DAB1: variants seen among roughly 807,000 people sequenced by gnomAD.
DAB1 encodes the protein disabled homolog 1.
DAB1 carries 15 observed loss-of-function variants against 64.6 expected under a neutral mutation model. The ratio of observed to expected loss-of-function variants is 0.23; its 90% CI spans 0.16 to 0.36. The LOEUF is 0.36. Ranked by LOEUF, DAB1 falls within the 10% of genes least tolerant of loss-of-function variation. The pLI, the probability that DAB1 is intolerant of heterozygous loss-of-function variation, is 1.00. For synonymous variants in DAB1, 235 were observed against 251.9 expected (o/e 0.93, Z 0.64); for missense variants, 596 against 706.7 (o/e 0.84, Z 1.78).
At position 57,855,667 on chromosome 1, in the gene DAB1, G is replaced by A. The variant is rs144466174; in HGVS notation, n.87+28332C>T. Among the ~76,000 whole-genome samples the A allele has an allele frequency of 1.1e-4, 17 of 152,280 alleles. No individual in the cohort carries two copies. The East Asian group carries it at 3.1e-3, about 28-fold the overall frequency. ...CATCTGAGGTGGCACATTTGAAGAC[G>A]AATAAGGGAATCAGTAGCTCAGAGT... On this transcript the variant is annotated intron_variant and non_coding_transcript_variant, in intron 1 of 1. Transcript: ENST00000477280.
At chr1:57,938,173 T>C (rs940616827) in intron 5 of DAB1, among the ~76,000 whole-genome samples, 3 of 152,218 alleles carry the variant, frequency 2.0e-5, no homozygotes, top group African/African-American at 7.2e-5. Context: ...GTAACTCTGG[T>C]CAAGGCACAG....
At chr1:57,487,320 C>G (rs1644104842) in intron 7 of DAB1, among the ~76,000 whole-genome samples, 1 of 152,198 alleles carries the variant, frequency 6.6e-6, no homozygotes, top group Non-Finnish European at 1.5e-5. Context: ...TGACCTCTTC[C>G]TCCACCCTGC....
chr1:57,655,712 T>A (rs919963524), intron 6 of DAB1, among the ~76,000 whole-genome samples: 34 of 152,138 alleles, frequency 2.2e-4, no homozygotes, highest in Admixed American at 3.9e-4. Flanking sequence ...CACACGTTAG[T>A]GGCTGAAATA....
intron 2 of DAB1, among the ~76,000 whole-genome samples, chr1:57,237,935 G>C (rs72921369): frequency 0.016 from 2,464 of 152,230 alleles, 56 homozygotes; most frequent in African/African-American, 0.054. Flanking sequence ...CAAAGAACGA[G>C]AAAAGACAAA....
At chr1:57,548,823 A>G (rs1157367998) in intron 7 of DAB1, among the ~76,000 whole-genome samples, 4 of 152,142 alleles carry the variant, frequency 2.6e-5, no homozygotes. Flanking sequence ...TCACAGCCAC[A>G]GTAACTAACA....
chr1:57,834,179 A>C (rs1036973038), intron 1 of DAB1, among the ~76,000 whole-genome samples: 1 of 152,242 alleles, frequency 6.6e-6, no homozygotes, highest in Non-Finnish European at 1.5e-5. Context: ...TTCAGATTGC[A>C]GTAAATTCAC....
chr1:57,141,811 T>C (rs1281069312), intron 3 of DAB1, among the ~76,000 whole-genome samples: 2 of 152,188 alleles, frequency 1.3e-5, no homozygotes, highest in Non-Finnish European at 2.9e-5. Context: ...AGTAGCTTAC[T>C]GGTGGGAGCT....
At position 57,610,628 on chromosome 1, in the gene DAB1, G is replaced by C. The variant is rs553734388; in HGVS notation, n.625+38964C>G. On this transcript the variant is annotated intron_variant and non_coding_transcript_variant, in intron 7 of 20. Coordinates refer to the DAB1 transcript ENST00000485760. ...TTAATTGACTCACATGGCTGGGAAGGCCTCAGGAAACTTACAATCATGGCA... is the reference window on the plus strand; with the variant it reads ...TTAATTGACTCACATGGCTGGGAAGCCCTCAGGAAACTTACAATCATGGCA... Among the ~76,000 whole-genome samples the C allele has an allele frequency of 8.5e-5, 13 of 152,184 alleles. No individual in the cohort carries two copies. In the East Asian group the frequency reaches 2.3e-3, roughly 27 times the overall value.
At position 57,852,773 on chromosome 1, in the gene DAB1, T is replaced by A. The variant is rs374617624; in HGVS notation, n.88-26318A>T. 1.8e-4 allele frequency among the ~76,000 whole-genome samples: 27 copies of A among 152,268 alleles called. No individual in the cohort carries two copies. In the South Asian group the frequency reaches 5.4e-3, roughly 30 times the overall value. On this transcript the variant is annotated intron_variant and non_coding_transcript_variant, in intron 1 of 1. Transcript: ENST00000477280. ...TTATGTTTCTCATTTACATTTATTA[T>A]TATCTGTCACACTTACACTTATTAT...
intron 3 of DAB1, among the ~76,000 whole-genome samples, chr1:58,361,453 A>C (rs1644166238): frequency 6.6e-6 from 1 of 152,170 alleles, no homozygotes; most frequent in Non-Finnish European, 1.5e-5. Context: ...ACTGTTTTTC[A>C]GGGCAGGGAC....
chr1:57,889,973 GGGCTTTCTTCTCATAA>G (rs1234530659), intron 5 of DAB1, among the ~76,000 whole-genome samples: 1 of 151,682 alleles, frequency 6.6e-6, no homozygotes, highest in Non-Finnish European at 1.5e-5. Flanking sequence ...TCAGAGCTGT[GGGCTTTCTTCTCATAA>G]GAAGGCTGAA....
chr1:58,304,741 T>G (rs1208751902), intron 4 of DAB1, among the ~76,000 whole-genome samples: 1 of 152,178 alleles, frequency 6.6e-6, no homozygotes, highest in African/African-American at 2.4e-5. Flanking sequence ...CCCAGCTGAC[T>G]TACAGAATCT....
At chr1:58,031,241 G>C (rs1646965455) in intron 5 of DAB1, among the ~76,000 whole-genome samples, 1 of 152,170 alleles carries the variant, frequency 6.6e-6, no homozygotes, top group African/African-American at 2.4e-5. Context: ...GAAGCAGGGA[G>C]GCTGAATGGA....
intron 1 of DAB1, among the ~76,000 whole-genome samples, chr1:57,384,095 A>T (rs1471877122): frequency 6.6e-6 from 1 of 152,228 alleles, no homozygotes; most frequent in Non-Finnish European, 1.5e-5. Flanking sequence ...TTGAATGCTC[A>T]TTTCTCCAAA....
At chr1:58,344,489 T>C (rs1166463056) in intron 3 of DAB1, among the ~76,000 whole-genome samples, 2 of 152,062 alleles carry the variant, frequency 1.3e-5, no homozygotes, top group Admixed American at 6.6e-5. Flanking sequence ...CAACAGAGAA[T>C]GAGAAGGCAT....
chr1:57,881,730 T>C (rs531085896), intron 1 of DAB1, among the ~76,000 whole-genome samples: 32 of 152,206 alleles, frequency 2.1e-4, no homozygotes, highest in Middle Eastern at 3.4e-3. Flanking sequence ...TGGGGGATGA[T>C]GGGTGGCTTC....
intron 6 of DAB1, among the ~76,000 whole-genome samples, chr1:57,796,758 C>G (rs1350835137): frequency 1.3e-5 from 2 of 152,038 alleles, no homozygotes; most frequent in Non-Finnish European, 2.9e-5. Flanking sequence ...GTTCTGCTGT[C>G]CTCCTCTCCC....
At chr1:57,212,974 G>A (rs1234969008) in intron 2 of DAB1, among the ~76,000 whole-genome samples, 1 of 152,218 alleles carries the variant, frequency 6.6e-6, no homozygotes, top group African/African-American at 2.4e-5. Flanking sequence ...GCAGGGGGCT[G>A]CACAGAGGCG....
chr1:57,400,899 T>C (rs115835961), intron 1 of DAB1, among the ~76,000 whole-genome samples: 121 of 151,910 alleles, frequency 8.0e-4, no homozygotes, highest in African/African-American at 2.8e-3. Flanking sequence ...TTTGGGGAGA[T>C]GTATTCACAT....
Sources: gnomAD v4.1 joint callset for allele counts (sites outside exome capture counted in the v4.1 genomes callset) on GRCh38, gnomAD v4.1.1 for gene constraint, MANE v1.5 for transcripts, NCBI Gene and HGNC (gene_info 2026-07-23, HGNC 2026-07-21) for gene names.